The following SGCZ variants were observed in gnomAD, a reference collection of about 807,000 sequenced individuals.
SGCZ encodes the protein zeta-sarcoglycan.
A neutral mutation model predicts 41.3 loss-of-function variants in SGCZ; 40 were observed. The observed-to-expected ratio is 0.97, with a 90% confidence interval of 0.75 to 1.26. The LOEUF (loss-of-function observed/expected upper bound fraction) is 1.26, where lower values mean the gene tolerates loss of function less well. SGCZ is among the 50% of genes most tolerant of loss of function. SGCZ has a pLI of 0.00. For missense variants in SGCZ, 552 were observed against 369.8 expected, an observed-to-expected ratio of 1.49 and a Z score of -4.04; for synonymous variants, 206 against 137.5, an observed-to-expected ratio of 1.50 and a Z score of -3.49.
intron 3 of SGCZ, among the ~76,000 whole-genome samples, chr8:14,302,353 T>C (rs1055369240): frequency 3.9e-5 from 6 of 152,200 alleles, no homozygotes; most frequent in African/African-American, 1.4e-4. Context: ...TTACTTTTTC[T>C]ATTTATTAAA....
At chr8:14,562,116 C>A (rs937491213) in intron 1 of SGCZ, among the ~76,000 whole-genome samples, 1 of 151,998 alleles carries the variant, frequency 6.6e-6, no homozygotes, top group East Asian at 1.9e-4. Flanking sequence ...GTAGCAGAGA[C>A]CATTTTTTAC....
chr8:14,653,752 G>A (rs1807475207), intron 1 of SGCZ, among the ~76,000 whole-genome samples: 2 of 151,962 alleles, frequency 1.3e-5, no homozygotes, highest in African/African-American at 4.8e-5. Flanking sequence ...AATGCCATTG[G>A]CAATACATGC....
intron 2 of SGCZ, among the ~76,000 whole-genome samples, chr8:14,542,914 T>G (rs1236769635): frequency 6.6e-6 from 1 of 151,992 alleles, no homozygotes; most frequent in Non-Finnish European, 1.5e-5. Flanking sequence ...TTTTAACAAA[T>G]GAAGTTAATA....
intron 1 of SGCZ, among the ~76,000 whole-genome samples, chr8:14,587,820 T>C (rs1267912545): frequency 5.3e-5 from 8 of 152,278 alleles, no homozygotes; most frequent in Admixed American, 2.6e-4. Flanking sequence ...ATAACAAATA[T>C]GAAAATATTT....
intron 1 of SGCZ, among the ~76,000 whole-genome samples, chr8:14,610,099 C>A (rs1475734475): frequency 6.6e-6 from 1 of 152,220 alleles, no homozygotes; most frequent in African/African-American, 2.4e-5. Flanking sequence ...TGCTGGAAAT[C>A]TTTGGGGAGG....
chr8:14,315,170 TC>T (rs1801674513), intron 3 of SGCZ, among the ~76,000 whole-genome samples: 1 of 152,168 alleles, frequency 6.6e-6, no homozygotes, highest in African/African-American at 2.4e-5. Context: ...CACTTATATT[TC>T]CTAAGTCTCC....
Position 15,238,294 on chromosome 8 carries a change from A to C in SGCZ, c.-671T>G, listed in dbSNP as rs1202699464. 4 of 152,306 alleles carry C rather than the reference A, an allele frequency of 2.6e-5. No individual in the cohort carries two copies. In the East Asian group the frequency reaches 7.7e-4, roughly 29 times the overall value. 9.4% of individuals were successfully genotyped at this position (152,306 alleles called of 1,614,324 possible). ...AGGTTATGCTAAAAGAGTTGAGGGAATAGGAGGTGGATCCAACGGAGAGAA... is the reference window on the plus strand; with the variant it reads ...AGGTTATGCTAAAAGAGTTGAGGGACTAGGAGGTGGATCCAACGGAGAGAA... On this transcript the variant is annotated 5_prime_UTR_variant, in exon 1 of 8. Coordinates refer to ENST00000382080, the MANE Select transcript of SGCZ (RefSeq NM_139167.4).
At chr8:14,416,080 C>T (rs957891138) in intron 2 of SGCZ, among the ~76,000 whole-genome samples, 12 of 151,936 alleles carry the variant, frequency 7.9e-5, no homozygotes, top group African/African-American at 2.2e-4. Flanking sequence ...TGAGGAGACT[C>T]CATAGCATGT....
chr8:14,497,666 T>C lies in SGCZ; in HGVS notation c.234+57066A>G, dbSNP rs1403156278. 2.6e-5 allele frequency among the ~76,000 whole-genome samples: 4 copies of C among 152,130 alleles called. No individual in the cohort carries two copies. In the East Asian group the frequency reaches 7.8e-4, roughly 29 times the overall value. On this transcript the variant is annotated intron_variant, in intron 2 of 7. Transcript: ENST00000382080. Reference sequence around the variant, plus strand: ...ATGTGTGGCCCAAGATGACTCTTCTTCCAATGTGGCCCAGGGAAGCCAAAA... The same window carrying C: ...ATGTGTGGCCCAAGATGACTCTTCTCCCAATGTGGCCCAGGGAAGCCAAAA...
chr8:14,752,377 T>C (rs1799526776), intron 1 of SGCZ, among the ~76,000 whole-genome samples: 1 of 152,212 alleles, frequency 6.6e-6, no homozygotes, highest in African/African-American at 2.4e-5. Context: ...AAGCCAGCCC[T>C]AGGTCTAACA....
intron 3 of SGCZ, among the ~76,000 whole-genome samples, chr8:14,273,241 T>G (rs1349574117): frequency 8.5e-5 from 13 of 152,166 alleles, no homozygotes; most frequent in Admixed American, 8.5e-4. Context: ...TATGTTAGCC[T>G]CTTTATAGCT....
chr8:14,209,151 G>C (rs1321298641), intron 4 of SGCZ, among the ~76,000 whole-genome samples: 1 of 152,216 alleles, frequency 6.6e-6, no homozygotes, highest in Non-Finnish European at 1.5e-5. Flanking sequence ...TTGCATATTA[G>C]TGCGGGGTGG....
At chr8:14,871,292 G>A (rs1804140977) in intron 1 of SGCZ, among the ~76,000 whole-genome samples, 1 of 152,136 alleles carries the variant, frequency 6.6e-6, no homozygotes, top group African/African-American at 2.4e-5. Flanking sequence ...TGGTGGGAGT[G>A]TAAATTATTT....
rs537650410 is a variant in SGCZ, at chr8:14,657,570, T to C, written c.40-102644A>G. Among the ~76,000 whole-genome samples the C allele has an allele frequency of 4.6e-5, 7 of 152,254 alleles. 1 individual carries two copies. The highest frequency in any genetic ancestry group is 4.6e-4 in the Admixed American group (7 of 15,278). On this transcript the variant is annotated intron_variant, in intron 1 of 7. Transcript: ENST00000382080. ...CAGGAAAAGTATACATTTATTCTTT[T>C]TCTTGGGAACTTTCTGAATTTGGAT...
intron 1 of SGCZ, among the ~76,000 whole-genome samples, chr8:14,847,629 GGGAA>G (rs1193921631): frequency 1.1e-4 from 16 of 148,168 alleles, no homozygotes; most frequent in Non-Finnish European, 2.2e-4. Flanking sequence ...TTTATAAAGA[GGGAA>G]GGAAGGAAGG....
At chr8:14,654,051 G>T (rs187949842) in intron 1 of SGCZ, among the ~76,000 whole-genome samples, 27 of 151,828 alleles carry the variant, frequency 1.8e-4, no homozygotes, top group African/African-American at 5.8e-4. Context: ...TATTATATTC[G>T]CAAAAGTTCC....
At chr8:15,087,070 T>G (rs1805975847) in intron 1 of SGCZ, among the ~76,000 whole-genome samples, 1 of 152,122 alleles carries the variant, frequency 6.6e-6, no homozygotes, top group African/African-American at 2.4e-5. Context: ...CTGCCATGAC[T>G]GTAGAATTAA....
At position 14,110,348 on chromosome 8, in the gene SGCZ, T is replaced by TTATATATAAAAAATATATA. The variant is rs1585143228; in HGVS notation, c.548-2114_548-2113insTATATATTTTTTATATATA. On this transcript the variant is annotated intron_variant, in intron 5 of 7. Coordinates refer to ENST00000382080, the MANE Select transcript of SGCZ (RefSeq NM_139167.4). ...CCAGATAAGGTGACAGAAATATAATTAAACATCGGTAATATTTACTTTCAA... is the reference window on the plus strand; with the variant it reads ...CCAGATAAGGTGACAGAAATATAATTTATATATAAAAAATATATAAAACATCGGTAATATTTACTTTCAA... Among the ~76,000 whole-genome samples the TTATATATAAAAAATATATA allele has an allele frequency of 2.0e-5, 3 of 152,240 alleles. No homozygotes were observed. In the East Asian group the frequency reaches 5.8e-4, roughly 29 times the overall value.
At chr8:14,880,148 T>C (rs10098711) in intron 1 of SGCZ, among the ~76,000 whole-genome samples, 1 of 151,890 alleles carries the variant, frequency 6.6e-6, no homozygotes, top group East Asian at 1.9e-4. Context: ...GCCCAAAAAA[T>C]CTGCATTTAA....
Sources: allele counts gnomAD v4.1 joint callset (sites outside exome capture counted in the v4.1 genomes callset), GRCh38; gene constraint gnomAD v4.1.1; transcripts MANE v1.5; gene names NCBI Gene and HGNC (gene_info 2026-07-23, HGNC 2026-07-21).